STAC: variants seen among roughly 807,000 people sequenced by gnomAD.
STAC encodes SH3 and cysteine-rich domain-containing protein.
STAC carries 43 observed loss-of-function variants against 48.8 expected under a neutral mutation model. The observed-to-expected ratio is 0.88, with a 90% CI of 0.69 to 1.14. The LOEUF is 1.14. Among genes scored for constraint, STAC ranks in the 50% most tolerant of loss-of-function variants. The pLI is 0.00. For missense variants in STAC, 497 were observed against 504.0 expected (o/e 0.99, Z 0.13); for synonymous variants, 193 against 179.5 (o/e 1.07, Z -0.60).
chr3:36,520,201 G>A (rs1161562060), intron 8 of STAC, among the ~76,000 whole-genome samples: 1 of 152,078 alleles, frequency 6.6e-6, no homozygotes, highest in Non-Finnish European at 1.5e-5. Context: ...GAGTTAGAAT[G>A]GTTAAGTCAC....
chr3:36,477,947 T>C (rs1697536194), intron 2 of STAC, among the ~76,000 whole-genome samples: 1 of 152,214 alleles, frequency 6.6e-6, no homozygotes, highest in African/African-American at 2.4e-5. Context: ...GTGACAGTAG[T>C]TCATGAGAAT....
chr3:36,396,982 C>T (rs1049980723), intron 1 of STAC, among the ~76,000 whole-genome samples: 2 of 152,132 alleles, frequency 1.3e-5, no homozygotes, highest in Non-Finnish European at 2.9e-5. Flanking sequence ...TGCTAATTTG[C>T]GTTTGTAGTG....
chr3:36,533,857 CTTCTT>C (rs1212423112), intron 10 of STAC, among the ~76,000 whole-genome samples: 1 of 152,054 alleles, frequency 6.6e-6, no homozygotes, highest in East Asian at 1.9e-4. Flanking sequence ...TAATTATTGT[CTTCTT>C]TTATTTTAGG....
chr3:36,435,614 T>A (rs1314627847), intron 1 of STAC, among the ~76,000 whole-genome samples: 1 of 152,128 alleles, frequency 6.6e-6, no homozygotes, highest in Non-Finnish European at 1.5e-5. Flanking sequence ...AAAACAACTG[T>A]CCATGTTCAT....
chr3:36,474,930 C>T (rs112831274), intron 2 of STAC, among the ~76,000 whole-genome samples: 225 of 152,208 alleles, frequency 1.5e-3, no homozygotes, highest in African/African-American at 3.8e-3. Context: ...TGTAAGAATA[C>T]AGAAGTAAAA....
chr3:36,465,559 C>G (rs1229303461), intron 2 of STAC, among the ~76,000 whole-genome samples: 1 of 152,048 alleles, frequency 6.6e-6, no homozygotes, highest in Non-Finnish European at 1.5e-5. Flanking sequence ...AAGGGTTTTT[C>G]CAATGTTATT....
At chr3:36,536,319 G>A (rs536464401) in intron 10 of STAC, among the ~76,000 whole-genome samples, 148 of 152,242 alleles carry the variant, frequency 9.7e-4, no homozygotes, top group Non-Finnish European at 1.9e-3. Flanking sequence ...CAAAGCTGGA[G>A]GCATCCCGCT....
chr3:36,380,598 C>T lies in STAC; in HGVS notation c.-46C>T. 1 of 1,450,118 alleles carries T rather than the reference C, an allele frequency of 6.9e-7. No homozygotes were observed. The highest frequency in any genetic ancestry group is 9.5e-7 in the Non-Finnish European group (1 of 1,055,594). 89.8% of individuals were successfully genotyped at this position (1,450,118 alleles called of 1,614,324 possible). A position where few individuals can be genotyped will look rare whatever the true frequency, so the allele number is the denominator to read the frequency against. On this transcript the variant is annotated 5_prime_UTR_variant, in exon 1 of 11. Transcript: ENST00000273183. ...GCGGGCAGGGCGCGCAGGACAGAAG[C>T]CTCGCTGTTCCTCCGGGAGCCCAAC...
intron 8 of STAC, among the ~76,000 whole-genome samples, chr3:36,523,654 T>C (rs1278951501): frequency 6.6e-6 from 1 of 152,200 alleles, no homozygotes; most frequent in Non-Finnish European, 1.5e-5. Context: ...TGTAGTGTGA[T>C]AACCTGAATG....
At position 36,431,636 on chromosome 3, in the gene STAC, T is replaced by G. The variant is rs544270742; in HGVS notation, c.112-11728T>G. Among the ~76,000 whole-genome samples, 60 of 152,198 alleles carry G rather than the reference T, an allele frequency of 3.9e-4. 1 individual carries two copies. The highest frequency in any genetic ancestry group is 3.4e-3 in the Admixed American group (52 of 15,298). The stretch of plus-strand genomic sequence containing the variant: ...AAAAGGAGGCCTCTTGCCCAAAACA[T>G]CAATGAGCAATGTACTAAATTTACT... On this transcript the variant is annotated intron_variant, in intron 1 of 10. Transcript: ENST00000273183.
intron 2 of STAC, among the ~76,000 whole-genome samples, chr3:36,456,794 T>C (rs2125680351): frequency 6.6e-6 from 1 of 152,348 alleles, no homozygotes; most frequent in Non-Finnish European, 1.5e-5. Context: ...GTGTCAGTGC[T>C]ACTTCTGTGG....
chr3:36,452,336 A>T (rs1696707285), intron 2 of STAC, among the ~76,000 whole-genome samples: 1 of 152,206 alleles, frequency 6.6e-6, no homozygotes, highest in African/African-American at 2.4e-5. Flanking sequence ...TTAATATAGT[A>T]TAACCTTTCA....
intron 2 of STAC, among the ~76,000 whole-genome samples, chr3:36,450,079 A>G (rs1696635703): frequency 6.6e-6 from 1 of 152,178 alleles, no homozygotes; most frequent in South Asian, 2.1e-4. Context: ...CTGCAGTTCT[A>G]TGGTGATCAC....
chr3:36,522,280 CA>C (rs1698826289), intron 8 of STAC, among the ~76,000 whole-genome samples: 1 of 152,172 alleles, frequency 6.6e-6, no homozygotes. Context: ...GCTTCTCCCT[CA>C]GGGATGACCC....
intron 10 of STAC, among the ~76,000 whole-genome samples, chr3:36,537,556 TG>T (rs1266355931): frequency 1.3e-5 from 2 of 151,578 alleles, no homozygotes; most frequent in African/African-American, 2.4e-5. Context: ...AGGGGCGTGG[TG>T]GGGTAGTGAG....
At chr3:36,450,121 G>A (rs1453917673) in intron 2 of STAC, among the ~76,000 whole-genome samples, 8 of 152,176 alleles carry the variant, frequency 5.3e-5, no homozygotes, top group African/African-American at 1.4e-4. Flanking sequence ...GTTATTTACA[G>A]TGTAGACTTT....
intron 1 of STAC, among the ~76,000 whole-genome samples, chr3:36,420,752 G>A (rs746218048): frequency 1.3e-4 from 20 of 152,112 alleles, no homozygotes; most frequent in Non-Finnish European, 2.4e-4. Flanking sequence ...CTTGTGTTTT[G>A]TTACTACAAT....
chr3:36,441,931 G>A (rs1696361088), intron 1 of STAC, among the ~76,000 whole-genome samples: 1 of 146,538 alleles, frequency 6.8e-6, no homozygotes, highest in South Asian at 2.1e-4. Context: ...AAATTGGATT[G>A]TTTGGAGGTT....
rs189914420 is a variant in STAC at position 36,432,231 on chromosome 3, T to G, written c.112-11133T>G. On this transcript the variant is annotated intron_variant, in intron 1 of 10. Transcript: ENST00000273183. ...GCAGGGAACCTATTATTACTCCTAT[T>G]TTATGGACGGGGAATTTGGGACTCA... Among the ~76,000 whole-genome samples the G allele has an allele frequency of 2.0e-3, 310 of 152,312 alleles. 4 individuals are homozygous for G. Among genetic ancestry groups the G allele is most frequent in the African/African-American group, 7.0e-3 (291 of 41,566 alleles).
Sources: allele counts gnomAD v4.1 joint callset (sites outside exome capture counted in the v4.1 genomes callset), GRCh38; gene constraint gnomAD v4.1.1; transcripts MANE v1.5; gene names NCBI Gene and HGNC (gene_info 2026-07-23, HGNC 2026-07-21).